The following PDZRN4 variants were observed in gnomAD, a reference collection of about 807,000 sequenced individuals.
The protein encoded by PDZRN4 is PDZ domain containing ring finger 4.
In PDZRN4, 70 loss-of-function variants were observed where a neutral mutation model predicts 99.0. The ratio of observed to expected loss-of-function variants is 0.71; its 90% CI spans 0.58 to 0.86. PDZRN4 has a LOEUF of 0.86. Ranked by LOEUF, PDZRN4 falls within the 40% of genes least tolerant of loss-of-function variation. The pLI, the probability that PDZRN4 is intolerant of heterozygous loss-of-function variation, is 0.00. For synonymous variants in PDZRN4, 551 were observed against 501.6 expected, an observed-to-expected ratio of 1.10 and a Z score of -1.32; for missense variants, 1,474 against 1,331.2, an observed-to-expected ratio of 1.11 and a Z score of -1.67.
At chr12:41,572,274 A>C in intron 9 of PDZRN4, 90 bp from the exon 10 acceptor site, 1 of 1,120,030 alleles carries the variant, frequency 8.9e-7, no homozygotes, top group South Asian at 1.6e-5. Flanking sequence ...CAACTTTGCC[A>C]GGAAACATTG....
At chr12:41,348,509 A>G (rs1221105936) in intron 3 of PDZRN4, among the ~76,000 whole-genome samples, 7 of 152,102 alleles carry the variant, frequency 4.6e-5, no homozygotes, top group African/African-American at 1.7e-4. Flanking sequence ...GTAAAAGTTA[A>G]AAAAATAAAA....
chr12:41,313,237 T>G (rs1414223519), intron 3 of PDZRN4, among the ~76,000 whole-genome samples: 1 of 152,318 alleles, frequency 6.6e-6, no homozygotes, highest in Middle Eastern at 3.4e-3. Flanking sequence ...ACTACCACAT[T>G]AGTTCACTGC....
intron 5 of PDZRN4, among the ~76,000 whole-genome samples, chr12:41,527,401 G>C (rs779268144): frequency 3.3e-5 from 5 of 152,180 alleles, no homozygotes; most frequent in Admixed American, 1.3e-4. Flanking sequence ...TAGAAGAAGT[G>C]TGATGGAGGT....
chr12:41,438,941 C>G (rs112350298), intron 3 of PDZRN4, among the ~76,000 whole-genome samples: 13 of 152,160 alleles, frequency 8.5e-5, no homozygotes, highest in African/African-American at 3.1e-4. Context: ...AAGGACGATG[C>G]TTGGGATGTT....
Position 41,393,651 on chromosome 12 carries a change from G to A in PDZRN4, c.844-112805G>A, listed in dbSNP as rs1321199416. 2.6e-5 allele frequency among the ~76,000 whole-genome samples: 4 copies of A among 152,082 alleles called. No individual in the cohort carries two copies. In the East Asian group the frequency reaches 7.7e-4, roughly 29 times the overall value. On this transcript the variant is annotated intron_variant, in intron 3 of 9. Coordinates refer to ENST00000402685, the MANE Select transcript of PDZRN4 (RefSeq NM_001164595.2). ...TTTAAAACAACAACTATTTTATTAT[G>A]TCTCATGATTTTGTGGGCTAAGAAT...
chr12:41,257,588 T>A (rs1034754655), intron 3 of PDZRN4, among the ~76,000 whole-genome samples: 7 of 152,152 alleles, frequency 4.6e-5, no homozygotes, highest in Admixed American at 2.6e-4. Flanking sequence ...ATTCAATATT[T>A]AACGGCCAGT....
chr12:41,411,274 C>G (rs1237594166), intron 3 of PDZRN4, among the ~76,000 whole-genome samples: 1 of 152,076 alleles, frequency 6.6e-6, no homozygotes, highest in African/African-American at 2.4e-5. Flanking sequence ...GATATAAGTA[C>G]AGCTCTCCTA....
chr12:41,386,714 A>C (rs994301101), intron 3 of PDZRN4, among the ~76,000 whole-genome samples: 1 of 152,204 alleles, frequency 6.6e-6, no homozygotes, highest in African/African-American at 2.4e-5. Context: ...ACAGTACCCA[A>C]CTTGAAACTA....
At chr12:41,375,096 C>T (rs1952069737) in intron 3 of PDZRN4, among the ~76,000 whole-genome samples, 1 of 152,134 alleles carries the variant, frequency 6.6e-6, no homozygotes, top group Admixed American at 6.6e-5. Flanking sequence ...GGAGCCGAGG[C>T]TGTAAACAGT....
intron 3 of PDZRN4, among the ~76,000 whole-genome samples, chr12:41,242,294 G>C (rs1361945466): frequency 6.6e-6 from 1 of 152,130 alleles, no homozygotes. Flanking sequence ...TGATTGATAT[G>C]CTAAAAATAA....
rs1003993346 is a variant in PDZRN4 at position 41,195,604 on chromosome 12, C to CA, written c.843+1426dup. ...AAAAAAAAGAAGAGTTATCTTTTGC[C>CA]AAAAAAAAAACTTTGATTTATATCT... On this transcript the variant is annotated intron_variant, in intron 3 of 9. Coordinates refer to ENST00000402685, the MANE Select transcript of PDZRN4 (RefSeq NM_001164595.2). 2.0e-3 allele frequency among the ~76,000 whole-genome samples: 289 copies of CA among 146,348 alleles called. 1 individual carries two copies. Among genetic ancestry groups the CA allele is most frequent in the African/African-American group, 6.1e-3 (244 of 40,106 alleles).
chr12:41,259,953 G>A (rs573600263), intron 3 of PDZRN4, among the ~76,000 whole-genome samples: 1 of 152,226 alleles, frequency 6.6e-6, no homozygotes, highest in Admixed American at 6.5e-5. Context: ...GACCTTGAAG[G>A]AACAGCTTAG....
At chr12:41,504,310 A>G (rs973777527) in intron 3 of PDZRN4, among the ~76,000 whole-genome samples, 3 of 152,108 alleles carry the variant, frequency 2.0e-5, no homozygotes, top group Non-Finnish European at 4.4e-5. Context: ...AGTTGATAAC[A>G]GACTGTGTGA....
At chr12:41,309,339 G>T (rs548121243) in intron 3 of PDZRN4, among the ~76,000 whole-genome samples, 1 of 152,288 alleles carries the variant, frequency 6.6e-6, no homozygotes, top group South Asian at 2.1e-4. Flanking sequence ...ATCTTGTGAG[G>T]CTTTCTTGCT....
At chr12:41,520,155 AG>A (rs1938469797) in intron 5 of PDZRN4, among the ~76,000 whole-genome samples, 1 of 152,172 alleles carries the variant, frequency 6.6e-6, no homozygotes, top group Non-Finnish European at 1.5e-5. Context: ...AAAGCAAAAA[AG>A]TTTTTTTAAC....
intron 3 of PDZRN4, among the ~76,000 whole-genome samples, chr12:41,331,355 A>AACATATT (rs1951740320): frequency 6.6e-6 from 1 of 152,154 alleles, no homozygotes; most frequent in Non-Finnish European, 1.5e-5. Context: ...AAATATGTCA[A>AACATATT]TGACCACATA....
At chr12:41,564,999 T>G (rs1282476081) in intron 8 of PDZRN4, among the ~76,000 whole-genome samples, 1 of 152,178 alleles carries the variant, frequency 6.6e-6, no homozygotes, top group African/African-American at 2.4e-5. Context: ...AATTTAGAAC[T>G]AAAGCATTTC....
At chr12:41,363,027 T>G in intron 3 of PDZRN4, among the ~76,000 whole-genome samples, 1 of 152,132 alleles carries the variant, frequency 6.6e-6, no homozygotes, top group East Asian at 1.9e-4. Context: ...GTTAGTGATA[T>G]GAAGCTGTAA....
chr12:41,348,764 T>C (rs766522741), intron 3 of PDZRN4, among the ~76,000 whole-genome samples: 33 of 151,988 alleles, frequency 2.2e-4, no homozygotes, highest in Non-Finnish European at 4.3e-4. Context: ...CATTTTTATA[T>C]ACAAGAATGA....
Sources: gnomAD v4.1 joint callset for allele counts (sites outside exome capture counted in the v4.1 genomes callset) on GRCh38, gnomAD v4.1.1 for gene constraint, MANE v1.5 for transcripts, NCBI Gene and HGNC (gene_info 2026-07-23, HGNC 2026-07-21) for gene names.